The following PGBD5 variants were observed in gnomAD, a reference collection of about 807,000 sequenced individuals.
PGBD5 encodes piggyBac transposable element derived 5.
Under a neutral mutation model 47.9 loss-of-function variants are expected in PGBD5, and 14 were observed. That is an observed-to-expected ratio of 0.29 (90% confidence interval 0.19 to 0.46). PGBD5 has a LOEUF of 0.46. PGBD5 is among the 20% of genes least tolerant of loss of function. The pLI, the probability that PGBD5 is intolerant of heterozygous loss-of-function variation, is 1.00. For missense variants in PGBD5, 635 were observed against 716.0 expected (o/e 0.89, Z 1.29); for synonymous variants, 316 against 306.3 (o/e 1.03, Z -0.33).
Position 230,383,559 on chromosome 1 carries a change from A to T in PGBD5, c.332-26238T>A, listed in dbSNP as rs868764942. Among the ~76,000 whole-genome samples the T allele has an allele frequency of 3.4e-4, 51 of 152,168 alleles. 1 individual carries two copies. In the Middle Eastern group the frequency reaches 0.014, roughly 41 times the overall value. On this transcript the variant is annotated intron_variant, in intron 1 of 6. Coordinates refer to ENST00000391860, the MANE Select transcript of PGBD5 (RefSeq NM_001258311.2). ...AAAATTTTTTGTATTTTTTGTAGAG[A>T]TAGGGTCTCACTATGTTGCCCAGGC...
chr1:230,359,613 G>C (rs1667712236), intron 1 of PGBD5, among the ~76,000 whole-genome samples: 1 of 152,168 alleles, frequency 6.6e-6, no homozygotes, highest in South Asian at 2.1e-4. Flanking sequence ...CCTAGCTCTA[G>C]TTTTCTTGTA....
At chr1:230,381,722 G>C (rs1656498596) in intron 1 of PGBD5, among the ~76,000 whole-genome samples, 1 of 152,166 alleles carries the variant, frequency 6.6e-6, no homozygotes, top group African/African-American at 2.4e-5. Context: ...TCCACGCCCA[G>C]GGTTCCCGGA....
At chr1:230,418,920 A>T (rs1031603405) in intron 1 of PGBD5, among the ~76,000 whole-genome samples, 1 of 152,258 alleles carries the variant, frequency 6.6e-6, no homozygotes, top group Admixed American at 6.5e-5. Context: ...GCTTCATTAT[A>T]TAAAGTAATC....
At chr1:230,335,950 CAG>C (rs1164814044) in intron 4 of PGBD5, among the ~76,000 whole-genome samples, 9 of 151,878 alleles carry the variant, frequency 5.9e-5, no homozygotes, top group African/African-American at 1.7e-4. Context: ...CACAAAGACA[CAG>C]AGACACACAT....
chr1:230,399,062 G>T (rs1281908924), intron 1 of PGBD5, among the ~76,000 whole-genome samples: 1 of 151,628 alleles, frequency 6.6e-6, no homozygotes, highest in East Asian at 1.9e-4. Flanking sequence ...TTACTAAGGG[G>T]GGGTGGCTAA....
intron 1 of PGBD5, among the ~76,000 whole-genome samples, chr1:230,401,419 C>T (rs1295440088): frequency 6.6e-6 from 1 of 152,194 alleles, no homozygotes; most frequent in African/African-American, 2.4e-5. Context: ...CCCAGCTTGT[C>T]ACATGAGGGC....
At chr1:230,396,191 C>T (rs1207274704) in intron 1 of PGBD5, among the ~76,000 whole-genome samples, 1 of 101,362 alleles carries the variant, frequency 9.9e-6, no homozygotes, top group Non-Finnish European at 1.9e-5. Context: ...TTCCTTTTTA[C>T]CCCCCCACTC....
At position 230,357,443 on chromosome 1, in the gene PGBD5, T is replaced by C; in HGVS notation, c.332-122A>G. On this transcript the variant is annotated intron_variant, in intron 1 of 6. Coordinates refer to ENST00000391860, the MANE Select transcript of PGBD5 (RefSeq NM_001258311.2). The surrounding 1 kb of genome is among the most constrained non-coding windows in gnomAD (Gnocchi z 5.7). ...CGAGTGCCCCCGCTGCCTCCAGTGC[T>C]ACCGCCTTCCCCTCCAACCTTCCAG... 1 of 1,065,944 alleles carries C rather than the reference T, an allele frequency of 9.4e-7. No homozygotes were observed. The highest frequency in any genetic ancestry group is 1.3e-6 in the Non-Finnish European group (1 of 748,234). 66.0% of individuals were successfully genotyped at this position (1,065,944 alleles called of 1,614,324 possible).
chr1:230,363,009 G>C (rs978058381), intron 1 of PGBD5, among the ~76,000 whole-genome samples: 2 of 152,184 alleles, frequency 1.3e-5, no homozygotes, highest in African/African-American at 2.4e-5. Context: ...GAAATCAAGT[G>C]GGGGTGGGCC....
At chr1:230,383,245 A>T (rs4846954) in intron 1 of PGBD5, among the ~76,000 whole-genome samples, 42,936 of 151,432 alleles carry the variant, frequency 0.28, 7,059 homozygotes, top group Non-Finnish European at 0.36. Context: ...AATTAAAAAA[A>T]TTTTTTTTTG....
rs1229920034 is a variant in PGBD5, at chr1:230,425,338, G to A, written c.331+260C>T. Among the ~76,000 whole-genome samples the A allele has an allele frequency of 4.6e-5, 7 of 152,178 alleles. No homozygotes were observed. The highest frequency in any genetic ancestry group is 4.1e-4 in the South Asian group (2 of 4,826). On this transcript the variant is annotated intron_variant, in intron 1 of 6. Coordinates refer to ENST00000391860, the MANE Select transcript of PGBD5 (RefSeq NM_001258311.2). This position sits in a 1 kb window ranked among gnomAD's most constrained non-coding sequence, Gnocchi z 4.7. ...CATGCAGGGGCTGGGGTGCTCCCAG[G>A]AAGTGAAGGAAAAGGTCCCCGACGA...
At chr1:230,358,863 G>A (rs1384851966) in intron 1 of PGBD5, among the ~76,000 whole-genome samples, 4 of 152,164 alleles carry the variant, frequency 2.6e-5, no homozygotes, top group Non-Finnish European at 5.9e-5. Flanking sequence ...ACTGCATGAT[G>A]TCTGCACAAC....
chr1:230,368,813 A>G (rs1667883704), intron 1 of PGBD5, among the ~76,000 whole-genome samples: 1 of 152,196 alleles, frequency 6.6e-6, no homozygotes, highest in Non-Finnish European at 1.5e-5. Flanking sequence ...GTGAGTGAGC[A>G]TGCACATGCA....
intron 5 of PGBD5, among the ~76,000 whole-genome samples, chr1:230,331,848 A>G (rs1226289274): frequency 2.0e-5 from 3 of 151,892 alleles, no homozygotes. Context: ...AGCTCCCTGC[A>G]ATCCTCTACA....
At chr1:230,356,526 G>A (rs765641940) in intron 2 of PGBD5, among the ~76,000 whole-genome samples, 62 of 152,088 alleles carry the variant, frequency 4.1e-4, no homozygotes, top group Non-Finnish European at 7.9e-4. Context: ...GCCTCCTTTC[G>A]TCACCAACAG....
rs2102759492 is a variant in PGBD5 at position 230,425,985 on chromosome 1, G to A, written c.-57C>T. The A allele has an allele frequency of 2.4e-6, 2 of 826,058 alleles. No individual in the cohort carries two copies. Among genetic ancestry groups the A allele is most frequent in the Non-Finnish European group, 2.9e-6 (2 of 693,692 alleles). The allele number at this position is 826,058 out of a possible 1,614,324, so 51.2% of individuals were successfully genotyped here. On this transcript the variant is annotated 5_prime_UTR_variant, in exon 1 of 7. Coordinates refer to ENST00000391860, the MANE Select transcript of PGBD5 (RefSeq NM_001258311.2). This position sits in a 1 kb window ranked among gnomAD's most constrained non-coding sequence, Gnocchi z 4.7. ...ACAGTGCCTCCCAGCCGCACACGCC[G>A]GGCCCTGGGCCCGCGCCGCGGCCCG...
At chr1:230,407,803 T>C (rs1438771684) in intron 1 of PGBD5, among the ~76,000 whole-genome samples, 6 of 152,222 alleles carry the variant, frequency 3.9e-5, no homozygotes, top group Non-Finnish European at 8.8e-5. Flanking sequence ...AACAACTGCA[T>C]GCAGAAATAT....
At chr1:230,396,280 ACTC>A (rs1656967952) in intron 1 of PGBD5, among the ~76,000 whole-genome samples, 1 of 9,894 alleles carries the variant, frequency 1.0e-4, no homozygotes, top group Non-Finnish European at 1.9e-4. Flanking sequence ...TTACCCCCAC[ACTC>A]TTCCCTTTTA....
At chr1:230,391,265 C>T (rs2102732711) in intron 1 of PGBD5, among the ~76,000 whole-genome samples, 1 of 152,246 alleles carries the variant, frequency 6.6e-6, no homozygotes, top group Non-Finnish European at 1.5e-5. Context: ...GACATAGTCC[C>T]AACTCACCCT....
Sources: gnomAD v4.1 joint callset for allele counts (sites outside exome capture counted in the v4.1 genomes callset) on GRCh38, gnomAD v4.1.1 for gene constraint, Gnocchi (gnomAD v3.1) non-coding constraint, MANE v1.5 for transcripts, NCBI Gene and HGNC (gene_info 2026-07-23, HGNC 2026-07-21) for gene names.